AGBL1: variants seen among roughly 807,000 people sequenced by gnomAD.
The protein encoded by AGBL1 is cytosolic carboxypeptidase 4.
A neutral mutation model predicts 118.9 loss-of-function variants in AGBL1; 130 were observed. The observed-to-expected ratio is 1.09, with a 90% confidence interval of 0.95 to 1.26. The LOEUF is 1.26. Ranked by LOEUF, AGBL1 falls within the 50% of genes most tolerant of loss-of-function variation. The pLI, the probability that AGBL1 is intolerant of heterozygous loss-of-function variation, is 0.00. For missense variants in AGBL1, 1,584 were observed against 1,298.1 expected (o/e 1.22, Z -3.38); for synonymous variants, 555 against 478.9 (o/e 1.16, Z -2.08).
rs529656979 is a variant in AGBL1, at chr15:86,946,538, TG to T, written c.3222-41445del. On this transcript the variant is annotated intron_variant, in intron 23 of 24. Coordinates refer to the AGBL1 transcript ENST00000441037. ...TGATTATTTCTGTTGAAGTGTCTAG[TG>T]GGGAATGCTAAGAAATACCATGAGG... Among the ~76,000 whole-genome samples, 471 of 152,058 alleles carry T rather than the reference TG, an allele frequency of 3.1e-3. 4 individuals carry two copies. The highest frequency in any genetic ancestry group is 0.031 in the Middle Eastern group (9 of 294).
chr15:86,642,108 A>G (rs2142470363), intron 21 of AGBL1, among the ~76,000 whole-genome samples: 1 of 152,326 alleles, frequency 6.6e-6, no homozygotes, highest in East Asian at 1.9e-4. Flanking sequence ...GGCCAAAGCA[A>G]ATCACACAAG....
At chr15:86,993,054 C>T (rs2081348829) in intron 24 of AGBL1, among the ~76,000 whole-genome samples, 1 of 152,072 alleles carries the variant, frequency 6.6e-6, no homozygotes, top group Admixed American at 6.6e-5. Flanking sequence ...CAATATTTGT[C>T]ATTTTTTTAT....
At chr15:86,799,998 G>A (rs1274728761) in intron 22 of AGBL1, among the ~76,000 whole-genome samples, 2 of 152,014 alleles carry the variant, frequency 1.3e-5, no homozygotes, top group Admixed American at 6.6e-5. Context: ...TCTCAAAATA[G>A]CAAGTCCCTT....
intron 6 of AGBL1, among the ~76,000 whole-genome samples, chr15:86,243,884 G>T (rs1019858320): frequency 2.6e-5 from 4 of 152,080 alleles, no homozygotes; most frequent in Admixed American, 2.6e-4. Context: ...GCCGGGTGTA[G>T]TGGCGTGCAC....
rs956056658 is a variant in AGBL1, at chr15:86,909,666, A to G, written c.*2372A>G. On this transcript the variant is annotated 3_prime_UTR_variant, in exon 23 of 23. Coordinates refer to ENST00000614907, the MANE Select transcript of AGBL1 (RefSeq NM_001386094.1). ...CGCTATATAGCTCTTAACTCCTCCC[A>G]TATTTAATCTTTCCACTCTTAAATA... 6 of 152,222 alleles carry G rather than the reference A, an allele frequency of 3.9e-5. No individual in the cohort carries two copies. Among genetic ancestry groups the G allele is most frequent in the African/African-American group, 1.2e-4 (5 of 41,458 alleles). The allele number at this position is 152,222 out of a possible 1,614,324, so 9.4% of individuals were successfully genotyped here. A position where few individuals can be genotyped will look rare whatever the true frequency, so the allele number is the denominator to read the frequency against.
chr15:86,502,069 G>A (rs998252335), intron 18 of AGBL1, among the ~76,000 whole-genome samples: 17 of 151,540 alleles, frequency 1.1e-4, no homozygotes, highest in Non-Finnish European at 1.6e-4. Context: ...TCAAGTTCAT[G>A]AGTACAGGAT....
At chr15:86,648,607 G>A (rs905666932) in intron 21 of AGBL1, among the ~76,000 whole-genome samples, 1 of 152,202 alleles carries the variant, frequency 6.6e-6, no homozygotes, top group African/African-American at 2.4e-5. Context: ...CAGATAATGA[G>A]CCAAGAGTTC....
At chr15:86,341,967 G>A (rs890882546) in intron 17 of AGBL1, among the ~76,000 whole-genome samples, 4 of 152,122 alleles carry the variant, frequency 2.6e-5, no homozygotes, top group East Asian at 1.9e-4. Context: ...TGAATATTTC[G>A]TGAACCCAGA....
chr15:86,107,234 T>C (rs1897105083), intron 1 of AGBL1, among the ~76,000 whole-genome samples: 1 of 152,226 alleles, frequency 6.6e-6, no homozygotes, highest in Admixed American at 6.5e-5. Flanking sequence ...ACTGTGATCC[T>C]CCATGGTTTC....
chr15:86,095,458 C>T (rs1395924840), intron 1 of AGBL1, among the ~76,000 whole-genome samples: 1 of 152,050 alleles, frequency 6.6e-6, no homozygotes, highest in Non-Finnish European at 1.5e-5. Context: ...AAAAGACACT[C>T]TTAGCACTCT....
chr15:86,503,058 C>T (rs2082935250), intron 18 of AGBL1, among the ~76,000 whole-genome samples: 1 of 151,474 alleles, frequency 6.6e-6, no homozygotes, highest in East Asian at 1.9e-4. Context: ...CAGTGAAGTC[C>T]TATACTTGGT....
chr15:86,202,907 G>T (rs945001249), intron 5 of AGBL1, among the ~76,000 whole-genome samples: 2 of 152,026 alleles, frequency 1.3e-5, no homozygotes, highest in Non-Finnish European at 2.9e-5. Flanking sequence ...TGAGGCAATT[G>T]CACAAATTAC....
intron 1 of AGBL1, among the ~76,000 whole-genome samples, chr15:86,113,218 TTTTC>T (rs1457963713): frequency 9.1e-4 from 48 of 52,644 alleles, no homozygotes; most frequent in African/African-American, 8.0e-3. Flanking sequence ...TTTCTTTTTC[TTTTC>T]TTTTCTTTTC....
intron 16 of AGBL1, among the ~76,000 whole-genome samples, chr15:86,289,612 T>C (rs1420929948): frequency 6.6e-6 from 1 of 152,136 alleles, no homozygotes; most frequent in African/African-American, 2.4e-5. Flanking sequence ...GCAACCAGAA[T>C]GTAAACCCAG....
chr15:86,248,244 G>T (rs2078753622), intron 7 of AGBL1, among the ~76,000 whole-genome samples: 1 of 152,142 alleles, frequency 6.6e-6, no homozygotes, highest in Admixed American at 6.5e-5. Context: ...TTGAACTCAG[G>T]AGGCAGATGT....
chr15:86,406,403 T>C (rs1487244948), intron 18 of AGBL1, among the ~76,000 whole-genome samples: 1 of 152,184 alleles, frequency 6.6e-6, no homozygotes, highest in Non-Finnish European at 1.5e-5. Flanking sequence ...TTCATTGTTT[T>C]CAAAAAACAA....
chr15:86,870,610 G>T (rs554936612), intron 22 of AGBL1, among the ~76,000 whole-genome samples: 1 of 152,062 alleles, frequency 6.6e-6, no homozygotes, highest in African/African-American at 2.4e-5. Context: ...ATTCCTGGGA[G>T]CCTTGAGATT....
Position 86,913,250 on chromosome 15 carries a change from CAATG to C in AGBL1, c.*5958_*5961del, listed in dbSNP as rs2080375645. 2 of 151,694 alleles carry C rather than the reference CAATG, an allele frequency of 1.3e-5. No individual in the cohort carries two copies. Among genetic ancestry groups the C allele is most frequent in the East Asian group, 1.9e-4 (1 of 5,130 alleles). 9.4% of individuals were successfully genotyped at this position (151,694 alleles called of 1,614,324 possible). ...ACACGGCACAGGGCTTTAAGCATAA[CAATG>C]AGTGAGGGAAGGTTGATCCTCAGAC... On this transcript the variant is annotated 3_prime_UTR_variant, in exon 23 of 23. Transcript: ENST00000614907.
intron 17 of AGBL1, among the ~76,000 whole-genome samples, chr15:86,304,424 C>T (rs916187802): frequency 6.6e-6 from 1 of 152,190 alleles, no homozygotes; most frequent in African/African-American, 2.4e-5. Flanking sequence ...TGTTGTTCCC[C>T]TACTCCGAAT....
Sources: gnomAD v4.1 joint callset for allele counts (sites outside exome capture counted in the v4.1 genomes callset) on GRCh38, gnomAD v4.1.1 for gene constraint, MANE v1.5 for transcripts, NCBI Gene and HGNC (gene_info 2026-07-23, HGNC 2026-07-21) for gene names.